The following PDGFRL variants were observed in gnomAD, a reference collection of about 807,000 sequenced individuals.
The protein encoded by PDGFRL is platelet-derived growth factor receptor-like protein.
A neutral mutation model predicts 37.2 loss-of-function variants in PDGFRL; 46 were observed. That is an observed-to-expected ratio of 1.24 (90% CI 0.98 to 1.58). PDGFRL has a LOEUF of 1.58. PDGFRL is among the 40% of genes most tolerant of loss of function. The probability of loss-of-function intolerance (pLI) is 0.00; values close to 1 mark genes in which losing one functional copy is unlikely to be tolerated. For synonymous variants in PDGFRL, 251 were observed against 184.3 expected (o/e 1.36, Z -2.93); for missense variants, 692 against 467.6 (o/e 1.48, Z -4.43).
upstream of PDGFRL, chr8:17,576,868 A>G (rs573966395): frequency 2.0e-5 from 5 of 252,298 alleles, no homozygotes; most frequent in Admixed American, 1.1e-4. Context: ...CGCTGGTAAC[A>G]TTTGGACAAT....
chr8:17,624,593 C>T (rs1005718938), intron 3 of PDGFRL, among the ~76,000 whole-genome samples: 10 of 152,120 alleles, frequency 6.6e-5, no homozygotes, highest in African/African-American at 1.9e-4. Flanking sequence ...AATTTTTATA[C>T]GTAGGAAAAC....
At chr8:17,597,692 A>T (rs1392868754) in intron 2 of PDGFRL, among the ~76,000 whole-genome samples, 1 of 152,066 alleles carries the variant, frequency 6.6e-6, no homozygotes, top group Non-Finnish European at 1.5e-5. Flanking sequence ...ACCCAAATAT[A>T]ATTTGGCATC....
intron 1 of PDGFRL, among the ~76,000 whole-genome samples, chr8:17,582,442 T>C (rs187395463): frequency 9.1e-4 from 138 of 151,968 alleles, no homozygotes; most frequent in African/African-American, 3.2e-3. Context: ...GTTAGCCTGA[T>C]GTCGTGGTGC....
intron 2 of PDGFRL, 130 bp downstream of exon 2, chr8:17,589,895 C>G: frequency 1.6e-6 from 1 of 625,808 alleles, no homozygotes; most frequent in Non-Finnish European, 2.7e-6. Context: ...AAAATAGAAG[C>G]TCAAAGGGCA....
At chr8:17,616,995 C>T (rs1804543835) in intron 2 of PDGFRL, among the ~76,000 whole-genome samples, 1 of 152,158 alleles carries the variant, frequency 6.6e-6, no homozygotes, top group African/African-American at 2.4e-5. Flanking sequence ...CTCCTCTGTG[C>T]CATCTCATGA....
chr8:17,590,888 A>ATTTT (rs71729974), intron 2 of PDGFRL, among the ~76,000 whole-genome samples: 2,039 of 143,074 alleles, frequency 0.014, 69 homozygotes, highest in Non-Finnish European at 0.019. Context: ...ATTATTATTA[A>ATTTT]TTTTTTTTTT....
chr8:17,606,105 C>G (rs1054768442), intron 2 of PDGFRL, among the ~76,000 whole-genome samples: 3 of 152,180 alleles, frequency 2.0e-5, no homozygotes, highest in African/African-American at 7.2e-5. Flanking sequence ...ACAGAAGAAT[C>G]CCACCATTGA....
chr8:17,602,547 A>G (rs965858009), intron 2 of PDGFRL, among the ~76,000 whole-genome samples: 9 of 152,140 alleles, frequency 5.9e-5, no homozygotes, highest in African/African-American at 2.2e-4. Flanking sequence ...AGAAATGAAA[A>G]GCAGATACCC....
chr8:17,577,489 T>C (rs547953647), intron 1 of PDGFRL, among the ~76,000 whole-genome samples, 182 bp downstream of exon 1: 102 of 151,986 alleles, frequency 6.7e-4, no homozygotes, highest in African/African-American at 2.4e-3. Flanking sequence ...CCTCCCACTC[T>C]TTGCCTGCCC....
chr8:17,579,334 G>C (rs1033910539), intron 1 of PDGFRL, among the ~76,000 whole-genome samples: 4 of 152,006 alleles, frequency 2.6e-5, no homozygotes, highest in African/African-American at 9.7e-5. Flanking sequence ...TTGGTTTTGA[G>C]TTGTGTTGTG....
chr8:17,626,705 C>A (rs915146533), intron 3 of PDGFRL, among the ~76,000 whole-genome samples: 1 of 152,032 alleles, frequency 6.6e-6, no homozygotes, highest in South Asian at 2.1e-4. Context: ...ACAGAATGAT[C>A]CAGAAAAACA....
chr8:17,611,199 C>T (rs62498048), intron 2 of PDGFRL, among the ~76,000 whole-genome samples: 22,396 of 152,136 alleles, frequency 0.15, 1,764 homozygotes, highest in South Asian at 0.23. Context: ...AGTGAGACAT[C>T]CAACCAGATG....
chr8:17,591,231 G>A (rs1241636649), intron 2 of PDGFRL, among the ~76,000 whole-genome samples: 1 of 152,130 alleles, frequency 6.6e-6, no homozygotes, highest in Non-Finnish European at 1.5e-5. Flanking sequence ...ACAGTCAGAG[G>A]CCTCAACTGG....
intron 5 of PDGFRL, among the ~76,000 whole-genome samples, chr8:17,635,245 T>G (rs962232543): frequency 2.6e-5 from 4 of 152,204 alleles, no homozygotes; most frequent in African/African-American, 7.2e-5. Flanking sequence ...ACTTGAGCAG[T>G]GTACACTATA....
intron 1 of PDGFRL, among the ~76,000 whole-genome samples, chr8:17,589,075 G>C (rs993318281): frequency 1.3e-5 from 2 of 151,820 alleles, no homozygotes; most frequent in Non-Finnish European, 2.9e-5. Flanking sequence ...ATCTTCTCTA[G>C]AGTTACCTAA....
intron 2 of PDGFRL, among the ~76,000 whole-genome samples, chr8:17,618,377 G>C (rs530887651): frequency 6.6e-5 from 10 of 152,192 alleles, no homozygotes; most frequent in Admixed American, 5.9e-4. Flanking sequence ...TTTTTTATTT[G>C]CTGTGCTAAC....
intron 4 of PDGFRL, among the ~76,000 whole-genome samples, chr8:17,633,042 C>T (rs909881025): frequency 1.3e-5 from 2 of 152,146 alleles, no homozygotes; most frequent in African/African-American, 2.4e-5. Flanking sequence ...ACTCAGTGTC[C>T]CGCCCCTTTG....
intron 4 of PDGFRL, among the ~76,000 whole-genome samples, chr8:17,631,900 C>G (rs1306661542): frequency 1.3e-5 from 2 of 152,214 alleles, no homozygotes; most frequent in Non-Finnish European, 2.9e-5. Flanking sequence ...CTTGTTCTGT[C>G]CCTGGGCCAG....
chr8:17,594,516 C>A (rs2517152), intron 2 of PDGFRL, among the ~76,000 whole-genome samples: 15,782 of 151,634 alleles, frequency 0.1, 1,581 homozygotes, highest in African/African-American at 0.26. Flanking sequence ...TGCTGGGATT[C>A]CAGGTGTAAG....
Sources: allele counts gnomAD v4.1 joint callset (sites outside exome capture counted in the v4.1 genomes callset), GRCh38; gene constraint gnomAD v4.1.1; transcripts MANE v1.5; gene names NCBI Gene and HGNC (gene_info 2026-07-23, HGNC 2026-07-21).